Variants in EIF2S2 observed in about 807,000 individuals in gnomAD.
The protein encoded by EIF2S2 is eukaryotic translation initiation factor 2 subunit beta.
In EIF2S2, 4 loss-of-function variants were observed where a neutral mutation model predicts 44.0. The observed-to-expected ratio is 0.09, with a 90% confidence interval of 0.04 to 0.21. EIF2S2 has a LOEUF of 0.21. EIF2S2 is among the 10% of genes least tolerant of loss of function. The pLI, the probability that EIF2S2 is intolerant of heterozygous loss-of-function variation, is 1.00. For missense variants in EIF2S2, 154 were observed against 392.0 expected (o/e 0.39, Z 5.13); for synonymous variants, 108 against 128.3 (o/e 0.84, Z 1.07).
intron 1 of EIF2S2, among the ~76,000 whole-genome samples, chr20:34,106,649 C>T (rs1296548915): frequency 1.3e-5 from 2 of 152,062 alleles, no homozygotes; most frequent in Non-Finnish European, 2.9e-5. Context: ...CCAAGCTGGT[C>T]TTGAACTCCT....
chr20:34,109,539 A>T lies in EIF2S2; in HGVS notation c.15+2557T>A, dbSNP rs541599581. ...AGCGGGTGCAAGAGCATGCACGTGT[A>T]GTCCCAGCTACTTGCGAGGCTGAGG... On this transcript the variant is annotated intron_variant, in intron 1 of 8. Coordinates refer to ENST00000374980, the MANE Select transcript of EIF2S2 (RefSeq NM_003908.5). Among the ~76,000 whole-genome samples the T allele has an allele frequency of 2.6e-5, 4 of 152,222 alleles. No individual in the cohort carries two copies. The East Asian group carries it at 7.7e-4, about 29-fold the overall frequency.
At chr20:34,091,751 T>C (rs1378660431) in intron 7 of EIF2S2, among the ~76,000 whole-genome samples, 6 of 124,192 alleles carry the variant, frequency 4.8e-5, no homozygotes, top group Non-Finnish European at 6.6e-5. Context: ...GGATTGTATA[T>C]ATTATTTATA....
chr20:34,093,968 GT>G (rs1261427015), intron 6 of EIF2S2, among the ~76,000 whole-genome samples: 16 of 152,164 alleles, frequency 1.1e-4, no homozygotes, highest in African/African-American at 3.6e-4. Flanking sequence ...ATAGCTCACT[GT>G]AACCTCAAAC....
chr20:34,093,915 C>G (rs1478977845), intron 6 of EIF2S2, among the ~76,000 whole-genome samples, 184 bp from the exon 7 acceptor site: 2 of 152,114 alleles, frequency 1.3e-5, no homozygotes, highest in Admixed American at 6.5e-5. Flanking sequence ...TGTTAAGAGA[C>G]AGGGTCTTGT....
chr20:34,107,086 G>A (rs2034358338), intron 1 of EIF2S2, among the ~76,000 whole-genome samples: 1 of 152,080 alleles, frequency 6.6e-6, no homozygotes, highest in South Asian at 2.1e-4. Flanking sequence ...GCTGAGGCAG[G>A]AGAATGGTGT....
In EIF2S2 at chr20:34,109,031, C is replaced by T. The variant is rs553578562; in HGVS notation, c.15+3065G>A. On this transcript the variant is annotated intron_variant, in intron 1 of 8. Transcript: ENST00000374980. Reference sequence around the variant, plus strand: ...AATTGTAATTATAGCGCACTGCAGCCTCGAACTCCTGGCCTCAGCCTCCTG... The same window carrying T: ...AATTGTAATTATAGCGCACTGCAGCTTCGAACTCCTGGCCTCAGCCTCCTG... Among the ~76,000 whole-genome samples, 34 of 152,070 alleles carry T rather than the reference C, an allele frequency of 2.2e-4. No homozygotes were observed. The South Asian group carries it at 7.1e-3, about 32-fold the overall frequency.
intron 6 of EIF2S2, among the ~76,000 whole-genome samples, chr20:34,096,321 C>T (rs546783138): frequency 6.6e-6 from 1 of 151,968 alleles, no homozygotes; most frequent in East Asian, 1.9e-4. Flanking sequence ...TTAAATTGGT[C>T]GGGCATGGTG....
chr20:34,093,798 CTG>C (rs758172346), intron 6 of EIF2S2, 67 bp from the exon 7 acceptor site: 343 of 1,387,290 alleles, frequency 2.5e-4, no homozygotes, highest in Non-Finnish European at 3.0e-4. Context: ...TCTAAAAAAT[CTG>C]TTCATTGTTT....
chr20:34,103,686 T>C, intron 2 of EIF2S2, 121 bp from the exon 3 acceptor site: 2 of 1,279,640 alleles, frequency 1.6e-6, no homozygotes, highest in Non-Finnish European at 1.0e-6. Flanking sequence ...AATTAGTCCC[T>C]CCACAATCAC....
In EIF2S2 at chr20:34,089,611, C is replaced by T. The variant is rs7392; in HGVS notation, c.*119G>A. On this transcript the variant is annotated 3_prime_UTR_variant, in exon 9 of 9. Transcript: ENST00000374980. ...TTGCAAGGACTTCAGACCAACCACT[C>T]GCCAAAAATCTTGGCAGCTTTTTTA... 0.019 allele frequency: 22,987 copies of T among 1,179,300 alleles called. 3,318 individuals are homozygous for T. In the African/African-American group the frequency reaches 0.31, roughly 16 times the overall value. 73.1% of individuals were successfully genotyped at this position (1,179,300 alleles called of 1,614,324 possible). A position where few individuals can be genotyped will look rare whatever the true frequency, so the allele number is the denominator to read the frequency against.
intron 4 of EIF2S2, among the ~76,000 whole-genome samples, chr20:34,097,930 C>T (rs1371712337): frequency 3.9e-5 from 6 of 152,046 alleles, no homozygotes; most frequent in Non-Finnish European, 8.8e-5. Flanking sequence ...ACTGTAAACA[C>T]GAGTTTAAAA....
chr20:34,090,863 C>T (rs1221761537), intron 7 of EIF2S2, among the ~76,000 whole-genome samples: 1 of 152,104 alleles, frequency 6.6e-6, no homozygotes, highest in African/African-American at 2.4e-5. Context: ...ATCCTCCCAC[C>T]TAAGCCTAGC....
intron 3 of EIF2S2, among the ~76,000 whole-genome samples, chr20:34,098,894 T>C (rs1429449306): frequency 1.3e-5 from 2 of 152,130 alleles, no homozygotes; most frequent in Non-Finnish European, 2.9e-5. Context: ...ATATTCAAAA[T>C]TGAAGTTACA....
intron 6 of EIF2S2, among the ~76,000 whole-genome samples, chr20:34,093,976 A>T (rs181424415): frequency 3.3e-5 from 5 of 152,276 alleles, no homozygotes; most frequent in Admixed American, 1.3e-4. Context: ...CTGTAACCTC[A>T]AACTCCTGAG....
intron 2 of EIF2S2, 85 bp from the exon 3 acceptor site, chr20:34,103,650 C>A: frequency 7.2e-7 from 1 of 1,398,088 alleles, no homozygotes; most frequent in South Asian, 1.5e-5. Flanking sequence ...AGCAATTAAT[C>A]AAGTCACCAG....
intron 7 of EIF2S2, among the ~76,000 whole-genome samples, chr20:34,092,434 A>G (rs1158227161): frequency 6.6e-6 from 1 of 152,176 alleles, no homozygotes; most frequent in African/African-American, 2.4e-5. Flanking sequence ...ACTTTGGGAG[A>G]CCAAGGCAGG....
chr20:34,111,879 G>A (rs1170506927), intron 1 of EIF2S2, among the ~76,000 whole-genome samples: 1 of 152,264 alleles, frequency 6.6e-6, no homozygotes, highest in African/African-American at 2.4e-5. Flanking sequence ...AACCACGGCA[G>A]GAGGTCCGCC....
At chr20:34,107,820 C>T (rs762692079) in intron 1 of EIF2S2, among the ~76,000 whole-genome samples, 7 of 152,180 alleles carry the variant, frequency 4.6e-5, no homozygotes, top group Non-Finnish European at 8.8e-5. Flanking sequence ...ATAGCATTTT[C>T]AAAGTTAGTC....
rs916868288 is a variant in EIF2S2, at chr20:34,112,211, C to A, written c.-101G>T. On this transcript the variant is annotated 5_prime_UTR_variant, in exon 1 of 9. Coordinates refer to ENST00000374980, the MANE Select transcript of EIF2S2 (RefSeq NM_003908.5). The stretch of plus-strand genomic sequence containing the variant: ...CCTGCCGATACCTCTCCCACCACCG[C>A]ACTAGGCTCTTGCATCAGCGAAAGG... 2 of 1,288,856 alleles carry A rather than the reference C, an allele frequency of 1.6e-6. No homozygotes were observed. Among genetic ancestry groups the A allele is most frequent in the Non-Finnish European group, 1.0e-6 (1 of 964,272 alleles). The allele number at this position is 1,288,856 out of a possible 1,614,324, so 79.8% of individuals were successfully genotyped here.
Sources: allele counts gnomAD v4.1 joint callset (sites outside exome capture counted in the v4.1 genomes callset), GRCh38; gene constraint gnomAD v4.1.1; transcripts MANE v1.5; gene names NCBI Gene and HGNC (gene_info 2026-07-23, HGNC 2026-07-21).